The following NOC2L variants were observed in gnomAD, a reference collection of about 807,000 sequenced individuals.
The protein encoded by NOC2L is nucleolar complex protein 2 homolog.
Under a neutral mutation model 94.2 loss-of-function variants are expected in NOC2L, and 101 were observed. The observed-to-expected ratio is 1.07, with a 90% CI of 0.91 to 1.26. The LOEUF (loss-of-function observed/expected upper bound fraction) is 1.26, where lower values mean the gene tolerates loss of function less well. NOC2L is among the 50% of genes most tolerant of loss of function. The pLI is 0.00. For synonymous variants in NOC2L, 531 were observed against 413.4 expected (o/e 1.28, Z -3.45); for missense variants, 1,076 against 980.1 (o/e 1.10, Z -1.31).
intron 2 of NOC2L, 140 bp from the exon 3 acceptor site, chr1:957,413 C>G: frequency 5.5e-6 from 4 of 733,594 alleles, no homozygotes; most frequent in South Asian, 5.4e-5. Flanking sequence ...TTTTGGCAGA[C>G]TCACGTCTCC....
In NOC2L at chr1:945,704, G is replaced by A. The variant is rs201671897; in HGVS notation, c.1918-51C>T. 1,225 of 1,612,944 alleles carry A rather than the reference G, an allele frequency of 7.6e-4. 25 individuals are homozygous for A. The South Asian group carries it at 0.012, about 16-fold the overall frequency. On this transcript the variant is annotated intron_variant, in intron 16 of 18. Coordinates refer to ENST00000327044, the MANE Select transcript of NOC2L (RefSeq NM_015658.4). ...CAGGTGAGAGAGGGCAGGGGCTGGC[G>A]GCCACAGCAGGGCCAGGCATCGCCA...
At chr1:951,878 G>A (rs1485308159) in intron 11 of NOC2L, 122 bp downstream of exon 11, 4 of 1,133,314 alleles carry the variant, frequency 3.5e-6, no homozygotes, top group Non-Finnish European at 5.0e-6. Flanking sequence ...CCCTTCCTCA[G>A]GGACGGCCAG....
At chr1:946,621 C>A (rs776310067) in intron 14 of NOC2L, 76 bp from the exon 15 acceptor site, 14 of 1,551,354 alleles carry the variant, frequency 9.0e-6, no homozygotes, top group Non-Finnish European at 1.1e-5. Flanking sequence ...CTGTGCAAAA[C>A]CACGCGTGGT....
At chr1:945,259 T>G (rs1557614512) in intron 17 of NOC2L, 113 bp from the exon 18 acceptor site, 1 of 1,354,536 alleles carries the variant, frequency 7.4e-7, no homozygotes, top group Non-Finnish European at 1.0e-6. Flanking sequence ...TCCGCTGACT[T>G]CCAGCAGGTG....
Position 953,805 on chromosome 1 carries a change from T to TG in NOC2L, c.864dup (p.Lys289GlnfsTer309). ...ACCTTGAGCAGCATGCGGCACTGCT[T>TG]GGGGAAGGTCAGGAAGCAGGGCACC... On this transcript the variant is annotated frameshift_variant, in exon 8 of 19. Transcript: ENST00000327044. LOFTEE classifies it high-confidence loss of function. 6.2e-7 allele frequency: 1 copy of TG among 1,612,568 alleles called. No homozygotes were observed. Among genetic ancestry groups the TG allele is most frequent in the Non-Finnish European group, 8.5e-7 (1 of 1,179,838 alleles).
chr1:955,829 ATG>A, intron 6 of NOC2L, 92 bp downstream of exon 6: 1 of 1,070,784 alleles, frequency 9.3e-7, no homozygotes, highest in Non-Finnish European at 1.4e-6. Flanking sequence ...CTCTGTTGCC[ATG>A]TCTCTGTCCT....
chr1:958,866 A>T (rs1187973203), intron 2 of NOC2L, 63 bp downstream of exon 2: 16 of 1,592,756 alleles, frequency 1.0e-5, no homozygotes, highest in Non-Finnish European at 8.6e-6. Context: ...AGGCGAGGTC[A>T]GCAACCCAAC....
intron 10 of NOC2L, 46 bp downstream of exon 10, chr1:952,366 C>T: frequency 6.3e-7 from 1 of 1,599,614 alleles, no homozygotes. Flanking sequence ...ACCTGGGCTG[C>T]CCCACCCCAT....
At chr1:953,950 G>A in intron 7 of NOC2L, 54 bp downstream of exon 7, 2 of 1,606,018 alleles carry the variant, frequency 1.2e-6, no homozygotes, top group South Asian at 2.2e-5. Flanking sequence ...ATACAAAAAA[G>A]GACCGACCAC....
At chr1:948,039 G>T in intron 14 of NOC2L, 92 bp downstream of exon 14, 2 of 1,019,958 alleles carry the variant, frequency 2.0e-6, no homozygotes, top group Non-Finnish European at 1.5e-6. Flanking sequence ...CCAGGTACCC[G>T]GGACAAGGGC....
At chr1:950,884 C>A (rs183074611) in intron 12 of NOC2L, among the ~76,000 whole-genome samples, 1 of 152,326 alleles carries the variant, frequency 6.6e-6, no homozygotes, top group East Asian at 1.9e-4. Flanking sequence ...CAAGCACCTA[C>A]AGGGTCAGGT....
At chr1:945,234 C>T in intron 17 of NOC2L, 88 bp from the exon 18 acceptor site, 3 of 1,469,666 alleles carry the variant, frequency 2.0e-6, no homozygotes, top group East Asian at 2.5e-5. Context: ...TGGCCAGGCT[C>T]CCAACACCCT....
Position 951,984 on chromosome 1 carries a change from C to T in NOC2L, c.1331+16G>A. 1.9e-6 allele frequency: 3 copies of T among 1,608,548 alleles called. No homozygotes were observed. The highest frequency in any genetic ancestry group is 2.5e-6 in the Non-Finnish European group (3 of 1,177,348). On this transcript the variant is annotated intron_variant, in intron 11 of 18. Coordinates refer to ENST00000327044, the MANE Select transcript of NOC2L (RefSeq NM_015658.4). ...TCCTGACCCTCCCGCACAACCCTGC[C>T]CACCCCACAACTCACTTGATACAGC...
At chr1:955,734 C>T (rs973168993) in intron 6 of NOC2L, among the ~76,000 whole-genome samples, 189 bp downstream of exon 6, 1 of 152,180 alleles carries the variant, frequency 6.6e-6, no homozygotes, top group South Asian at 2.1e-4. Flanking sequence ...AAGGTGGGGC[C>T]GCTCCAACTG....
Position 944,711 on chromosome 1 carries a change from G to C in NOC2L, c.2233C>G (p.Leu745Val). Residue 745 changes from leucine to valine, a missense_variant, in exon 19 of 19, where the codon CTC becomes GTC. Leu to Val is a conservative substitution (Grantham distance 32, BLOSUM62 1). Around this residue, in one of 3 missense-constraint regions of NOC2L, gnomAD observed 615 missense variants for 577.4 expected, o/e 1.07. Transcript: ENST00000327044. ...GPEDELEDLQ[L>V]SEDD is the part of the protein sequence containing the mutation. ...GGGCTGCCTCAGTCGTCCTCTGAGA[G>C]CTGCAGATCCTCCAGCTCGTCCTCC... 1.3e-6 allele frequency: 2 copies of C among 1,598,564 alleles called. No homozygotes were observed. Among genetic ancestry groups the C allele is most frequent in the Non-Finnish European group, 1.7e-6 (2 of 1,177,754 alleles).
chr1:947,296 C>T (rs2100379534), intron 14 of NOC2L, among the ~76,000 whole-genome samples: 1 of 152,326 alleles, frequency 6.6e-6, no homozygotes, highest in East Asian at 1.9e-4. Flanking sequence ...ATGGGAGGAA[C>T]AGAGGCTGTG....
chr1:952,180 A>C lies in NOC2L; in HGVS notation c.1192-41T>G, dbSNP rs3748595. 0.93 allele frequency: 1,503,185 copies of C among 1,610,620 alleles called. 701,996 individuals carry two copies. Among genetic ancestry groups the C allele is most frequent in the Non-Finnish European group, 0.94 (1,108,003 of 1,178,140 alleles). ...CACGTCAGCTACTGGCCAGGCTGAC[A>C]AGTCAGGCTGATGCACGTTCCTCCT... On this transcript the variant is annotated intron_variant, in intron 10 of 18. Transcript: ENST00000327044.
intron 8 of NOC2L, 65 bp from the exon 9 acceptor site, chr1:953,353 C>CA: frequency 1.0e-6 from 1 of 955,014 alleles, no homozygotes; most frequent in South Asian, 1.4e-5. Flanking sequence ...CCAGGGCCAG[C>CA]ACAGCCCTCC....
Position 953,202 on chromosome 1 carries a change from C to T in NOC2L, c.975G>A (p.Lys325=). ...LVLSRVCRHK[K]DTFLGPVLKQ... is the part of the protein sequence containing the mutation. Reference sequence around the variant, plus strand: ...TGAGGACGGGGCCAAGGAAAGTGTCCTTCTTGTGCCGGCAGACTCTGCTGA... The same window carrying T: ...TGAGGACGGGGCCAAGGAAAGTGTCTTTCTTGTGCCGGCAGACTCTGCTGA... Residue 325 remains lysine, a synonymous_variant, in exon 9 of 19, where the codon AAG becomes AAA. Transcript: ENST00000327044. 1.2e-6 allele frequency: 2 copies of T among 1,613,284 alleles called. No homozygotes were observed. Among genetic ancestry groups the T allele is most frequent in the Non-Finnish European group, 1.7e-6 (2 of 1,179,584 alleles).
Sources: allele counts gnomAD v4.1 joint callset (sites outside exome capture counted in the v4.1 genomes callset), GRCh38; gene constraint gnomAD v4.1.1; regional missense constraint gnomAD v4.1.1; transcripts MANE v1.5; gene names NCBI Gene and HGNC (gene_info 2026-07-23, HGNC 2026-07-21).